PPP1R12A: variants seen among roughly 807,000 people sequenced by gnomAD.
PPP1R12A encodes the protein myosin binding subunit.
PPP1R12A carries 19 observed loss-of-function variants against 139.6 expected under a neutral mutation model. The observed-to-expected ratio is 0.14, with a 90% CI of 0.09 to 0.20. The LOEUF (loss-of-function observed/expected upper bound fraction) is 0.20. PPP1R12A is among the 10% of genes least tolerant of loss of function. The pLI is 1.00. For synonymous variants in PPP1R12A, 427 were observed against 420.6 expected (o/e 1.02, Z -0.19); for missense variants, 925 against 1,211.5 (o/e 0.76, Z 3.51).
chr12:79,795,662 T>C lies in PPP1R12A; in HGVS notation c.2559A>G (p.Thr853=). The change falls in exon 18 of 25, where the codon ACA becomes ACG. Residue 853 remains threonine (T), a synonymous_variant. Coordinates refer to ENST00000450142, the MANE Select transcript of PPP1R12A (RefSeq NM_002480.3). ...CATCTTGTGTCCAAAATGAAACTCCTGTAGATCTTCTTTTCTCTCTTGGTC... is the reference window on the plus strand; with the variant it reads ...CATCTTGTGTCCAAAATGAAACTCCCGTAGATCTTCTTTTCTCTCTTGGTC... ...RRRPREKRRS[T]GVSFWTQDSD... 1.2e-6 allele frequency: 2 copies of C among 1,611,980 alleles called. No individual in the cohort carries two copies. The highest frequency in any genetic ancestry group is 1.7e-6 in the Non-Finnish European group (2 of 1,179,266).
chr12:79,900,048 TC>T (rs1885494503), intron 1 of PPP1R12A, among the ~76,000 whole-genome samples: 2 of 152,234 alleles, frequency 1.3e-5, no homozygotes, highest in Admixed American at 1.3e-4. Context: ...GTGTTAGCCA[TC>T]CTTTCCACCC....
chr12:79,847,584 G>A (rs1347765529), intron 2 of PPP1R12A, among the ~76,000 whole-genome samples: 2 of 152,074 alleles, frequency 1.3e-5, no homozygotes, highest in East Asian at 3.9e-4. Context: ...TATGCATCTG[G>A]CACTATGTTA....
intron 2 of PPP1R12A, among the ~76,000 whole-genome samples, chr12:79,851,714 T>C (rs1880058703): frequency 6.6e-6 from 1 of 152,234 alleles, no homozygotes; most frequent in Non-Finnish European, 1.5e-5. Context: ...TTTCTTTTAA[T>C]ACTTTTCCAG....
intron 2 of PPP1R12A, among the ~76,000 whole-genome samples, chr12:79,854,123 A>T (rs185133658): frequency 1.4e-4 from 21 of 152,332 alleles, no homozygotes; most frequent in African/African-American, 5.1e-4. Context: ...GCCAAAATCA[A>T]AGCTTGCAGA....
At chr12:79,899,733 C>CAT (rs543154082) in intron 1 of PPP1R12A, among the ~76,000 whole-genome samples, 35 of 152,190 alleles carry the variant, frequency 2.3e-4, no homozygotes, top group African/African-American at 8.4e-4. Context: ...CTTGGCTAAA[C>CAT]ATAAGGAGTG....
upstream of PPP1R12A, chr12:79,935,383 G>T: frequency 5.0e-6 from 5 of 995,642 alleles, no homozygotes; most frequent in Non-Finnish European, 6.0e-6. Context: ...AAGGAAGGTT[G>T]TCCTGTCGGG....
chr12:79,797,060 G>A, intron 16 of PPP1R12A, 110 bp from the exon 17 acceptor site: 1 of 1,373,338 alleles, frequency 7.3e-7, no homozygotes, highest in Non-Finnish European at 9.9e-7. Flanking sequence ...TCACGCCAAA[G>A]TAATTCAAAT....
intron 9 of PPP1R12A, among the ~76,000 whole-genome samples, chr12:79,810,475 A>T (rs1874387059): frequency 6.6e-6 from 1 of 152,198 alleles, no homozygotes. Flanking sequence ...GGATCTACTG[A>T]TTCCACCACA....
At chr12:79,787,528 G>C (rs1871273566) in intron 21 of PPP1R12A, 1 of 151,008 alleles carries the variant, frequency 6.6e-6, no homozygotes, top group Non-Finnish European at 1.5e-5. Flanking sequence ...CTTTTTTTTT[G>C]AGATAACAGT....
chr12:79,831,376 A>G (rs1206868115), intron 4 of PPP1R12A, among the ~76,000 whole-genome samples: 1 of 152,152 alleles, frequency 6.6e-6, no homozygotes, highest in Non-Finnish European at 1.5e-5. Context: ...TGAGCCCAGG[A>G]GTTCAAGACC....
chr12:79,791,340 AT>A (rs1244462775), intron 19 of PPP1R12A, among the ~76,000 whole-genome samples: 1 of 152,118 alleles, frequency 6.6e-6, no homozygotes. Context: ...TATTATTACT[AT>A]TTTTGAGATG....
intron 2 of PPP1R12A, among the ~76,000 whole-genome samples, chr12:79,861,455 CTGGT>C (rs1881299337): frequency 6.6e-6 from 1 of 152,152 alleles, no homozygotes; most frequent in South Asian, 2.1e-4. Context: ...CTCATTGGGA[CTGGT>C]TGGACAGTGG....
intron 10 of PPP1R12A, 100 bp downstream of exon 10, chr12:79,809,695 C>T: frequency 2.4e-6 from 2 of 849,000 alleles, no homozygotes; most frequent in East Asian, 2.7e-5. Flanking sequence ...AACTTGATAC[C>T]TAGATCTAAA....
intron 1 of PPP1R12A, among the ~76,000 whole-genome samples, chr12:79,923,086 C>A (rs1887569240): frequency 6.6e-6 from 1 of 151,992 alleles, no homozygotes; most frequent in South Asian, 2.1e-4. Context: ...ACCAGCCTGG[C>A]CAACATGGTG....
intron 1 of PPP1R12A, among the ~76,000 whole-genome samples, chr12:79,924,034 A>T: frequency 6.6e-6 from 1 of 152,056 alleles, no homozygotes; most frequent in East Asian, 1.9e-4. Context: ...ACAGAGCAAG[A>T]CTCCGTCTCA....
intron 2 of PPP1R12A, among the ~76,000 whole-genome samples, chr12:79,853,902 T>C (rs938619498): frequency 6.6e-6 from 1 of 152,228 alleles, no homozygotes; most frequent in Non-Finnish European, 1.5e-5. Flanking sequence ...AATGACTTTG[T>C]ATAATTGATG....
At chr12:79,893,123 A>T (rs972799999) in intron 1 of PPP1R12A, among the ~76,000 whole-genome samples, 2 of 151,700 alleles carry the variant, frequency 1.3e-5, no homozygotes, top group African/African-American at 4.8e-5. Flanking sequence ...AAAAAAAAGT[A>T]ATTAACTACA....
chr12:79,809,939 C>T lies in PPP1R12A; in HGVS notation c.1311G>A (p.Arg437=). Residue 437 remains arginine (R), a synonymous_variant, in exon 10 of 25, where the codon AGG becomes AGA. Coordinates refer to ENST00000450142, the MANE Select transcript of PPP1R12A (RefSeq NM_002480.3). ...AGCTGCCCGTCTTTCTAAGTCCTAA[C>T]CTCCAAGTTGCAGGAGACTCATCTT... ...ERKDESPATW[R]LGLRKTGSYG... The T allele has an allele frequency of 6.2e-7, 1 of 1,613,612 alleles. No individual in the cohort carries two copies. The highest frequency in any genetic ancestry group is 8.5e-7 in the Non-Finnish European group (1 of 1,179,722).
chr12:79,846,131 C>G (rs1879358504), intron 2 of PPP1R12A, among the ~76,000 whole-genome samples: 1 of 127,302 alleles, frequency 7.9e-6, no homozygotes, highest in African/African-American at 4.6e-5. Flanking sequence ...GCTATTAAAC[C>G]CACCACTAGG....
Sources: allele counts gnomAD v4.1 joint callset (sites outside exome capture counted in the v4.1 genomes callset), GRCh38; gene constraint gnomAD v4.1.1; transcripts MANE v1.5; gene names NCBI Gene and HGNC (gene_info 2026-07-23, HGNC 2026-07-21).